The following TAFA2 variants were observed in gnomAD, a reference collection of about 807,000 sequenced individuals.
TAFA2 encodes chemokine-like protein TAFA-2.
Under a neutral mutation model 18.8 loss-of-function variants are expected in TAFA2, and 7 were observed. The ratio of observed to expected loss-of-function variants is 0.37; its 90% CI spans 0.21 to 0.70. TAFA2 has a LOEUF of 0.70. Among genes scored for constraint, TAFA2 ranks in the 30% least tolerant of loss-of-function variants. The probability of loss-of-function intolerance (pLI) is 0.53; values close to 1 mark genes in which losing one functional copy is unlikely to be tolerated. For missense variants in TAFA2, 122 were observed against 158.1 expected (o/e 0.77, Z 1.23); for synonymous variants, 60 against 54.2 (o/e 1.11, Z -0.47).
At chr12:62,010,710 C>CGT (rs1880714561) in intron 1 of TAFA2, among the ~76,000 whole-genome samples, 1 of 130,396 alleles carries the variant, frequency 7.7e-6, no homozygotes, top group African/African-American at 3.0e-5. Context: ...GAAGTGGGCG[C>CGT]CTCTGCCCGG....
intron 1 of TAFA2, among the ~76,000 whole-genome samples, chr12:62,233,588 A>G (rs2062822527): frequency 6.6e-6 from 1 of 152,082 alleles, no homozygotes; most frequent in Admixed American, 6.5e-5. Context: ...GACCCTACCC[A>G]CGAGGCTGTG....
intron 1 of TAFA2, among the ~76,000 whole-genome samples, chr12:61,900,636 T>A (rs1289632311): frequency 1.3e-5 from 2 of 152,084 alleles, no homozygotes; most frequent in African/African-American, 4.8e-5. Flanking sequence ...TCAGTGACTA[T>A]CATGAGAACA....
intron 1 of TAFA2, among the ~76,000 whole-genome samples, chr12:61,905,136 T>C (rs1395967114): frequency 6.6e-6 from 1 of 152,166 alleles, no homozygotes; most frequent in Non-Finnish European, 1.5e-5. Flanking sequence ...TTATTCTATT[T>C]TGTAGAGAAT....
chr12:62,164,672 C>T (rs914785353), intron 1 of TAFA2, among the ~76,000 whole-genome samples: 17 of 151,986 alleles, frequency 1.1e-4, no homozygotes, highest in African/African-American at 3.9e-4. Context: ...AAAAGTCCAC[C>T]CAGCAATTAA....
chr12:61,752,229 G>A (rs972966043), intron 4 of TAFA2, among the ~76,000 whole-genome samples: 1 of 151,962 alleles, frequency 6.6e-6, no homozygotes, highest in African/African-American at 2.4e-5. Flanking sequence ...ATTTTGTTCA[G>A]TGTATGGCAT....
intron 1 of TAFA2, among the ~76,000 whole-genome samples, chr12:61,945,832 T>C (rs1473585832): frequency 1.3e-5 from 2 of 149,238 alleles, no homozygotes; most frequent in African/African-American, 2.5e-5. Context: ...GAAGAACATT[T>C]CATGCTCATG....
intron 1 of TAFA2, among the ~76,000 whole-genome samples, chr12:61,977,678 T>G (rs2136672985): frequency 6.6e-6 from 1 of 152,228 alleles, no homozygotes; most frequent in East Asian, 1.9e-4. Flanking sequence ...AAAGCCTAGC[T>G]TTCTCTTGTT....
intron 1 of TAFA2, among the ~76,000 whole-genome samples, chr12:61,893,971 C>G (rs1440809964): frequency 6.6e-6 from 1 of 151,688 alleles, no homozygotes; most frequent in Non-Finnish European, 1.5e-5. Flanking sequence ...CAAACTGATA[C>G]TGCTTTTAGA....
intron 1 of TAFA2, among the ~76,000 whole-genome samples, chr12:62,064,722 C>T (rs1438959466): frequency 6.6e-6 from 1 of 151,950 alleles, no homozygotes; most frequent in Non-Finnish European, 1.5e-5. Flanking sequence ...AATTGCATTC[C>T]CTCATAAGTG....
chr12:61,710,460 C>G, intron 4 of TAFA2, 43 bp from the exon 5 acceptor site: 1 of 1,510,490 alleles, frequency 6.6e-7, no homozygotes, highest in Non-Finnish European at 9.2e-7. Context: ...TCATAACATA[C>G]CGATAATCTT....
chr12:61,925,473 C>G (rs1877248862), intron 1 of TAFA2, among the ~76,000 whole-genome samples: 1 of 152,210 alleles, frequency 6.6e-6, no homozygotes, highest in Non-Finnish European at 1.5e-5. Flanking sequence ...GAACAACCTA[C>G]TCCTGAATGA....
intron 2 of TAFA2, among the ~76,000 whole-genome samples, chr12:61,807,862 A>C (rs894416654): frequency 2.6e-5 from 4 of 151,360 alleles, no homozygotes; most frequent in African/African-American, 9.8e-5. Flanking sequence ...GGCTATATTT[A>C]CCCAATGCCT....
intron 1 of TAFA2, among the ~76,000 whole-genome samples, chr12:61,928,148 A>G (rs750423179): frequency 4.8e-4 from 73 of 152,242 alleles, no homozygotes; most frequent in African/African-American, 1.6e-3. Flanking sequence ...AACGAAGCCA[A>G]AATTGACGAA....
intron 2 of TAFA2, among the ~76,000 whole-genome samples, chr12:61,780,429 T>A (rs1309177589): frequency 1.3e-5 from 2 of 151,868 alleles, no homozygotes; most frequent in South Asian, 4.1e-4. Flanking sequence ...AGAATTTTTC[T>A]GACTCTAGGC....
chr12:62,066,079 C>A (rs796476125), intron 1 of TAFA2, among the ~76,000 whole-genome samples: 1 of 149,936 alleles, frequency 6.7e-6, no homozygotes, highest in Admixed American at 6.7e-5. Context: ...AACAGAATTC[C>A]CCATTCAAAT....
At chr12:62,012,038 A>G (rs1880788669) in intron 1 of TAFA2, among the ~76,000 whole-genome samples, 1 of 152,228 alleles carries the variant, frequency 6.6e-6, no homozygotes, top group African/African-American at 2.4e-5. Flanking sequence ...TTGATTTTCA[A>G]GTGTTCTTAA....
intron 1 of TAFA2, among the ~76,000 whole-genome samples, chr12:62,208,832 A>T (rs1437609355): frequency 6.6e-6 from 1 of 152,190 alleles, no homozygotes; most frequent in Non-Finnish European, 1.5e-5. Context: ...GATTTTCATA[A>T]GGGTTACCCA....
At chr12:61,738,329 A>ACACACACACACACACACC (rs1555198029) in intron 4 of TAFA2, among the ~76,000 whole-genome samples, 2 of 146,740 alleles carry the variant, frequency 1.4e-5, no homozygotes. Flanking sequence ...ACACACACAC[A>ACACACACACACACACACC]AACCTAGCTC....
intron 1 of TAFA2, among the ~76,000 whole-genome samples, chr12:61,891,292 G>C (rs1442115772): frequency 6.6e-6 from 1 of 152,168 alleles, no homozygotes; most frequent in Non-Finnish European, 1.5e-5. Context: ...AGCAGGAGAA[G>C]CAGAAGCAGT....
Sources: allele counts gnomAD v4.1 joint callset (sites outside exome capture counted in the v4.1 genomes callset), GRCh38; gene constraint gnomAD v4.1.1; transcripts MANE v1.5; gene names NCBI Gene and HGNC (gene_info 2026-07-23, HGNC 2026-07-21).